The following TSGA10 variants were observed in gnomAD, a reference collection of about 807,000 sequenced individuals.
TSGA10 encodes testis specific 10, also known as testis-specific gene 10 protein.
TSGA10 carries 43 observed loss-of-function variants against 96.6 expected under a neutral mutation model. The ratio of observed to expected loss-of-function variants is 0.44; its 90% CI spans 0.35 to 0.57. The LOEUF (loss-of-function observed/expected upper bound fraction) is 0.57, where lower values mean the gene tolerates loss of function less well. TSGA10 is among the 20% of genes least tolerant of loss of function. TSGA10 has a pLI of 0.01. For synonymous variants in TSGA10, 229 were observed against 269.9 expected (o/e 0.85, Z 1.48); for missense variants, 703 against 834.4 (o/e 0.84, Z 1.94).
At chr2:99,151,712 C>A (rs1316281543) in intron 1 of TSGA10, among the ~76,000 whole-genome samples, 1 of 152,092 alleles carries the variant, frequency 6.6e-6, no homozygotes, top group South Asian at 2.1e-4. Flanking sequence ...TTTTTCCCCC[C>A]ACATAGAATC....
chr2:99,005,582 CAAGGGATATG>C (rs1344836865), intron 20 of TSGA10, among the ~76,000 whole-genome samples: 1 of 152,138 alleles, frequency 6.6e-6, no homozygotes, highest in Admixed American at 6.5e-5. Flanking sequence ...ATCCAACTTA[CAAGGGATATG>C]AAGGACCTCT....
intron 12 of TSGA10, 63 bp downstream of exon 12, chr2:99,078,596 C>T: frequency 4.9e-6 from 7 of 1,432,236 alleles, no homozygotes; most frequent in African/African-American, 1.4e-5. Flanking sequence ...TCTTTTAAAC[C>T]ATAGTTTAAC....
chr2:99,044,535 A>T (rs192288452), intron 16 of TSGA10, among the ~76,000 whole-genome samples: 1 of 152,266 alleles, frequency 6.6e-6, no homozygotes, highest in Admixed American at 6.5e-5. Context: ...TTCATAAAAC[A>T]AGTTCTTAAA....
intron 16 of TSGA10, among the ~76,000 whole-genome samples, chr2:99,047,647 C>G (rs2082934999): frequency 6.6e-6 from 1 of 152,160 alleles, no homozygotes; most frequent in South Asian, 2.1e-4. Flanking sequence ...TGGAAGCATT[C>G]CCTTTGAAGA....
rs2086269719 is a variant in TSGA10, at chr2:99,073,844, C to G, written c.883-771G>C. Among the ~76,000 whole-genome samples the G allele has an allele frequency of 1.3e-5, 2 of 151,908 alleles. 1 individual carries two copies. The highest frequency in any genetic ancestry group is 4.2e-4 in the South Asian group (2 of 4,818). ...TCCAACTATAAACAGATACTTAGAG[C>G]TAACATTAGCCCTAAAAAAGTAAGA... is the stretch of plus-strand genomic sequence containing the variant. On this transcript the variant is annotated intron_variant, in intron 12 of 20. Transcript: ENST00000393483.
intron 1 of TSGA10, among the ~76,000 whole-genome samples, chr2:99,134,112 T>G (rs1429332597): frequency 6.6e-6 from 1 of 152,222 alleles, no homozygotes; most frequent in East Asian, 1.9e-4. Context: ...CTGTATTTCC[T>G]GAATTGGAAT....
At chr2:99,066,751 A>G (rs2085309966) in intron 15 of TSGA10, among the ~76,000 whole-genome samples, 1 of 152,106 alleles carries the variant, frequency 6.6e-6, no homozygotes, top group Admixed American at 6.5e-5. Context: ...AAAGAAAATG[A>G]AACTGTTCTT....
intron 11 of TSGA10, among the ~76,000 whole-genome samples, chr2:99,080,152 T>C (rs936155771): frequency 6.6e-6 from 1 of 152,162 alleles, no homozygotes; most frequent in African/African-American, 2.4e-5. Flanking sequence ...TGTCCTGACT[T>C]CACTTCCCAT....
At chr2:99,074,330 C>T (rs754538996) in intron 12 of TSGA10, among the ~76,000 whole-genome samples, 7 of 138,176 alleles carry the variant, frequency 5.1e-5, no homozygotes, top group Non-Finnish European at 9.4e-5. Flanking sequence ...ATTTCTTTAG[C>T]GTTAGTTTTA....
chr2:99,044,838 C>CCA (rs2082580586), intron 16 of TSGA10, among the ~76,000 whole-genome samples: 1 of 152,170 alleles, frequency 6.6e-6, no homozygotes, highest in Non-Finnish European at 1.5e-5. Flanking sequence ...GTTTCTCAGA[C>CCA]CACAGTGCAA....
intron 1 of TSGA10, among the ~76,000 whole-genome samples, chr2:99,136,786 G>A (rs1231351286): frequency 8.6e-5 from 1 of 11,640 alleles, no homozygotes; most frequent in Non-Finnish European, 2.5e-4. Flanking sequence ...GCGACAGAGC[G>A]AGACTCCATC....
intron 20 of TSGA10, among the ~76,000 whole-genome samples, chr2:99,007,177 G>A (rs985742108): frequency 1.3e-5 from 2 of 152,048 alleles, no homozygotes; most frequent in Admixed American, 6.6e-5. Context: ...AGCATTAGGA[G>A]GAATACCTAA....
At chr2:99,153,846 C>T (rs953368589) in intron 1 of TSGA10, among the ~76,000 whole-genome samples, 14 of 152,222 alleles carry the variant, frequency 9.2e-5, no homozygotes, top group African/African-American at 3.1e-4. Context: ...GTATCAGCAT[C>T]AGCAAACTGA....
At chr2:99,136,009 C>CA (rs56120844) in intron 1 of TSGA10, among the ~76,000 whole-genome samples, 2,507 of 125,738 alleles carry the variant, frequency 0.02, 98 homozygotes, top group African/African-American at 0.065. Flanking sequence ...GACTTCGTAC[C>CA]AAAAAAAAAA....
chr2:99,063,239 A>C (rs969170860), intron 16 of TSGA10, among the ~76,000 whole-genome samples: 1 of 152,234 alleles, frequency 6.6e-6, no homozygotes, highest in Non-Finnish European at 1.5e-5. Context: ...TAAATGGCAA[A>C]ATTTCACATA....
intron 10 of TSGA10, among the ~76,000 whole-genome samples, chr2:99,103,364 C>T (rs2090989341): frequency 6.6e-6 from 1 of 152,144 alleles, no homozygotes; most frequent in Admixed American, 6.6e-5. Context: ...CTCACAGCAA[C>T]AGATACTAAA....
intron 20 of TSGA10, among the ~76,000 whole-genome samples, chr2:99,012,554 T>A (rs1407913831): frequency 1.3e-5 from 2 of 151,956 alleles, no homozygotes; most frequent in African/African-American, 4.8e-5. Context: ...AAACAGACTT[T>A]AAAGCAACAT....
chr2:99,041,668 T>C (rs2082193575), intron 16 of TSGA10, among the ~76,000 whole-genome samples: 1 of 152,160 alleles, frequency 6.6e-6, no homozygotes, highest in African/African-American at 2.4e-5. Context: ...TCTCACCTTA[T>C]ACAAAAATCA....
At chr2:99,039,334 A>G (rs1454748393) in intron 16 of TSGA10, among the ~76,000 whole-genome samples, 1 of 151,594 alleles carries the variant, frequency 6.6e-6, no homozygotes, top group Non-Finnish European at 1.5e-5. Flanking sequence ...ACTACAAAAG[A>G]TAAAAGAAAC....
Sources: allele counts gnomAD v4.1 joint callset (sites outside exome capture counted in the v4.1 genomes callset), GRCh38; gene constraint gnomAD v4.1.1; transcripts MANE v1.5; gene names NCBI Gene and HGNC (gene_info 2026-07-23, HGNC 2026-07-21).